GIT2: variants seen among roughly 807,000 people sequenced by gnomAD.
The protein encoded by GIT2 is GIT ArfGAP 2, also known as ARF GTPase-activating protein GIT2.
In GIT2, 32 loss-of-function variants were observed where a neutral mutation model predicts 100.3. The ratio of observed to expected loss-of-function variants is 0.32; its 90% CI spans 0.24 to 0.43. GIT2 has a LOEUF of 0.43. GIT2 is among the 20% of genes least tolerant of loss of function. The pLI is 1.00. For synonymous variants in GIT2, 353 were observed against 364.1 expected (o/e 0.97, Z 0.35); for missense variants, 737 against 975.1 (o/e 0.76, Z 3.25).
At chr12:109,991,252 GTGAGC>G (rs927756495) in intron 2 of GIT2, among the ~76,000 whole-genome samples, 6 of 151,390 alleles carry the variant, frequency 4.0e-5, no homozygotes, top group African/African-American at 1.5e-4. Flanking sequence ...GGAGGTTACA[GTGAGC>G]TGAGATCACG....
At chr12:109,975,019 T>A (rs1884729308) in intron 7 of GIT2, among the ~76,000 whole-genome samples, 1 of 152,208 alleles carries the variant, frequency 6.6e-6, no homozygotes, top group African/African-American at 2.4e-5. Context: ...ATTATGTCCC[T>A]CTCTATCCGT....
At chr12:109,960,706 A>G (rs896477225) in intron 11 of GIT2, among the ~76,000 whole-genome samples, 3 of 152,216 alleles carry the variant, frequency 2.0e-5, no homozygotes, top group Non-Finnish European at 4.4e-5. Context: ...CTCTTGATGG[A>G]TGTGTTAGCT....
Position 109,983,414 on chromosome 12 carries a change from G to A in GIT2, c.582C>T (p.Gly194=). Residue 194 remains glycine (G), a synonymous_variant, in exon 6 of 20, where the codon GGC becomes GGT. Coordinates refer to ENST00000355312, the MANE Select transcript of GIT2 (RefSeq NM_057169.5). ...ELLAVYGADP[G]TQDSSGKTPV... ...GAGTTTTCCCACTAGAATCCTGTGTGCCTGGGTCTGCTCCATATACTGCCA... is the reference window on the plus strand; with the variant it reads ...GAGTTTTCCCACTAGAATCCTGTGTACCTGGGTCTGCTCCATATACTGCCA... 6.2e-7 allele frequency: 1 copy of A among 1,613,676 alleles called. No homozygotes were observed. The highest frequency in any genetic ancestry group is 8.5e-7 in the Non-Finnish European group (1 of 1,179,582).
At chr12:109,943,199 A>C (rs1483473083) in intron 16 of GIT2, among the ~76,000 whole-genome samples, 2 of 152,232 alleles carry the variant, frequency 1.3e-5, no homozygotes, top group Non-Finnish European at 2.9e-5. Context: ...TAAAAAACAA[A>C]AATTTCACAG....
At chr12:109,972,010 A>AT (rs749472307) in intron 7 of GIT2, among the ~76,000 whole-genome samples, 4,672 of 141,732 alleles carry the variant, frequency 0.033, 87 homozygotes, top group Middle Eastern at 0.048. Flanking sequence ...GGGAAAAAAA[A>AT]ATATATATAT....
In GIT2 at chr12:109,945,270, C is replaced by T; in HGVS notation, c.1721G>A (p.Ser574Asn). 1 of 1,543,422 alleles carries T rather than the reference C, an allele frequency of 6.5e-7. No individual in the cohort carries two copies. Among genetic ancestry groups the T allele is most frequent in the East Asian group, 2.2e-5 (1 of 44,518 alleles). The change falls in exon 16 of 20, where the codon AGC becomes AAC. Residue 574 changes from serine (S) to asparagine (N), a missense_variant. This residue lies in a region of GIT2 where 451 missense variants were observed against 543.7 expected (regional missense o/e 0.83). Coordinates refer to ENST00000355312, the MANE Select transcript of GIT2 (RefSeq NM_057169.5). ...CAGAATGTACTTAACCCTTCGGGCG[C>T]TTTCGTCCCTCGACCAGGAAAGTGT... ...PSTLSWSRDE[S>N]ARRASRLEKQ...
rs968587987 is a variant in GIT2, at chr12:109,931,908, T to C, written c.*1070A>G. ...TTGATGTCTAATTTTTAAGTACTCA[T>C]GAGGTGATGGAGGAGAAACTAACTC... On this transcript the variant is annotated 3_prime_UTR_variant, in exon 20 of 20. Coordinates refer to ENST00000355312, the MANE Select transcript of GIT2 (RefSeq NM_057169.5). 1 of 152,220 alleles carries C rather than the reference T, an allele frequency of 6.6e-6. No individual in the cohort carries two copies. Among genetic ancestry groups the C allele is most frequent in the Non-Finnish European group, 1.5e-5 (1 of 68,036 alleles). 9.4% of individuals were successfully genotyped at this position (152,220 alleles called of 1,614,324 possible). A position where few individuals can be genotyped will look rare whatever the true frequency, so the allele number is the denominator to read the frequency against.
chr12:109,959,713 A>G, intron 12 of GIT2, 134 bp downstream of exon 12: 2 of 630,504 alleles, frequency 3.2e-6, no homozygotes, highest in Non-Finnish European at 5.7e-6. Context: ...AACTTAAAGT[A>G]AAAAAACAAA....
At chr12:109,989,331 G>A (rs1887973061) in intron 3 of GIT2, among the ~76,000 whole-genome samples, 1 of 152,176 alleles carries the variant, frequency 6.6e-6, no homozygotes, top group Non-Finnish European at 1.5e-5. Context: ...AGCAACTTTG[G>A]GAGAAAGCAG....
intron 16 of GIT2, among the ~76,000 whole-genome samples, chr12:109,942,485 C>G (rs937112393): frequency 2.6e-5 from 4 of 152,072 alleles, no homozygotes; most frequent in South Asian, 2.1e-4. Context: ...AGGCACCCAC[C>G]GCCACACCTG....
At chr12:109,945,759 A>AT (rs1876144222) in intron 15 of GIT2, among the ~76,000 whole-genome samples, 1 of 152,166 alleles carries the variant, frequency 6.6e-6, no homozygotes, top group African/African-American at 2.4e-5. Flanking sequence ...TTATATTCTA[A>AT]TTTTTTCTAA....
chr12:109,981,348 T>A, intron 6 of GIT2: 1 of 270,894 alleles, frequency 3.7e-6, no homozygotes, highest in Non-Finnish European at 7.1e-6. Context: ...GGTAAAAAAA[T>A]GAAATTAATC....
chr12:109,951,958 G>C (rs1487820007), intron 13 of GIT2, among the ~76,000 whole-genome samples: 1 of 152,172 alleles, frequency 6.6e-6, no homozygotes, highest in Non-Finnish European at 1.5e-5. Context: ...CTCAGCTAGA[G>C]GGAGCAGGTG....
intron 16 of GIT2, chr12:109,939,699 A>G (rs1874095144): frequency 7.9e-6 from 1 of 127,170 alleles, no homozygotes; most frequent in East Asian, 2.5e-4. Flanking sequence ...ATAAATAAAT[A>G]AATAAATAAA....
rs1390000241 is a variant in GIT2, at chr12:109,953,075, G to C, written c.1242+17C>G. 1 of 1,584,056 alleles carries C rather than the reference G, an allele frequency of 6.3e-7. No homozygotes were observed. The highest frequency in any genetic ancestry group is 8.7e-7 in the Non-Finnish European group (1 of 1,155,380). On this transcript the variant is annotated intron_variant, in intron 13 of 19. Transcript: ENST00000355312. ...CTGATGCGTGCTTGCCCTTCCATGG[G>C]ACGCATGGCCTCTCACCTTCTGCCG...
At chr12:109,998,577 AT>A (rs1889756472), upstream of GIT2, 4 of 152,368 alleles carry the variant, frequency 2.6e-5, no homozygotes, top group South Asian at 8.3e-4. Flanking sequence ...AACTCAAAGA[AT>A]AAACTTCATA....
chr12:109,947,683 T>A lies in GIT2; in HGVS notation c.1393-179A>T, dbSNP rs930859029. 2.4e-5 allele frequency: 14 copies of A among 585,682 alleles called. No individual in the cohort carries two copies. Among genetic ancestry groups the A allele is most frequent in the Admixed American group, 1.6e-4 (5 of 30,764 alleles). The allele number at this position is 585,682 out of a possible 1,614,324, so 36.3% of individuals were successfully genotyped here. A position where few individuals can be genotyped will look rare whatever the true frequency, so the allele number is the denominator to read the frequency against. On this transcript the variant is annotated intron_variant, in intron 14 of 19. Coordinates refer to ENST00000355312, the MANE Select transcript of GIT2 (RefSeq NM_057169.5). This position sits in a 1 kb window ranked among gnomAD's most constrained non-coding sequence, Gnocchi z 4.3. Reference sequence around the variant, plus strand: ...TTCTTCTGGATTGGGTGAAACACAATCAACTCCCTTCATCACGTAAGCAAA... The same window carrying A: ...TTCTTCTGGATTGGGTGAAACACAAACAACTCCCTTCATCACGTAAGCAAA...
chr12:109,947,208 G>C lies in GIT2; in HGVS notation c.1641+48C>G. On this transcript the variant is annotated intron_variant, in intron 15 of 19. Transcript: ENST00000355312. The surrounding 1 kb of genome is among the most constrained non-coding windows in gnomAD (Gnocchi z 4.3). ...TAGGTTCAGAAGAGGGAACAGAGTA[G>C]ACAGGCTGCATAGAGTGAACAGCAG... 1 of 1,571,450 alleles carries C rather than the reference G, an allele frequency of 6.4e-7. No homozygotes were observed. The highest frequency in any genetic ancestry group is 8.7e-7 in the Non-Finnish European group (1 of 1,152,768).
At chr12:109,996,977 C>G (rs1593184676), upstream of GIT2, among the ~76,000 whole-genome samples, 1 of 149,348 alleles carries the variant, frequency 6.7e-6, no homozygotes, top group East Asian at 2.0e-4. Flanking sequence ...TTTGGGAGGC[C>G]GAGGCGGGTG....
Sources: allele counts gnomAD v4.1 joint callset (sites outside exome capture counted in the v4.1 genomes callset), GRCh38; gene constraint gnomAD v4.1.1; regional missense constraint gnomAD v4.1.1; non-coding constraint Gnocchi (gnomAD v3.1); transcripts MANE v1.5; gene names NCBI Gene and HGNC (gene_info 2026-07-23, HGNC 2026-07-21).